UHRF2: variants seen among roughly 807,000 people sequenced by gnomAD.
UHRF2 encodes the protein E3 ubiquitin-protein ligase UHRF2.
In UHRF2, 23 loss-of-function variants were observed where a neutral mutation model predicts 96.8. That is an observed-to-expected ratio of 0.24 (90% CI 0.17 to 0.34). UHRF2 has a LOEUF of 0.34. UHRF2 is among the 10% of genes least tolerant of loss of function. UHRF2 has a pLI of 1.00. For synonymous variants in UHRF2, 385 were observed against 332.6 expected, an observed-to-expected ratio of 1.16 and a Z score of -1.72; for missense variants, 685 against 981.5, an observed-to-expected ratio of 0.70 and a Z score of 4.04.
chr9:6,413,433 C>G lies in UHRF2; in HGVS notation c.-58C>G, dbSNP rs1159515256. 9 of 1,319,284 alleles carry G rather than the reference C, an allele frequency of 6.8e-6. No individual in the cohort carries two copies. The highest frequency in any genetic ancestry group is 3.9e-6 in the Non-Finnish European group (4 of 1,022,142). 81.7% of individuals were successfully genotyped at this position (1,319,284 alleles called of 1,614,324 possible). ...GGAAAGCGGCGCGGGCCGGGCGGGG[C>G]GCGGCGCCCAGAGCTCAGGGGGAGA... is the stretch of plus-strand genomic sequence containing the variant. On this transcript the variant is annotated 5_prime_UTR_variant, in exon 1 of 16. Coordinates refer to ENST00000276893, the MANE Select transcript of UHRF2 (RefSeq NM_152896.3).
intron 2 of UHRF2, among the ~76,000 whole-genome samples, chr9:6,428,665 T>A (rs1404255166): frequency 1.4e-5 from 2 of 147,282 alleles, no homozygotes; most frequent in Non-Finnish European, 3.0e-5. Flanking sequence ...TCCTGCTGCC[T>A]CAGCTTCCTG....
chr9:6,451,807 CAG>C (rs1821887480), intron 3 of UHRF2, among the ~76,000 whole-genome samples: 1 of 47,364 alleles, frequency 2.1e-5, no homozygotes, highest in Admixed American at 2.1e-4. Context: ...GTTTTTGAGA[CAG>C]AGTCTCAGTC....
intron 3 of UHRF2, among the ~76,000 whole-genome samples, chr9:6,445,852 C>T (rs895445021): frequency 1.3e-5 from 2 of 152,116 alleles, no homozygotes; most frequent in South Asian, 2.1e-4. Flanking sequence ...GCATTAGCCA[C>T]TGGTCCTAGC....
chr9:6,469,742 A>G (rs977550689), intron 4 of UHRF2, among the ~76,000 whole-genome samples: 8 of 135,062 alleles, frequency 5.9e-5, no homozygotes, highest in African/African-American at 2.4e-4. Flanking sequence ...ACGTGTATAT[A>G]TATACACGTA....
At chr9:6,435,334 C>A (rs759661330) in intron 3 of UHRF2, among the ~76,000 whole-genome samples, 1 of 152,088 alleles carries the variant, frequency 6.6e-6, no homozygotes, top group Non-Finnish European at 1.5e-5. Flanking sequence ...CTATATTGTC[C>A]AGGCTGGTGT....
intron 8 of UHRF2, among the ~76,000 whole-genome samples, chr9:6,483,710 A>G (rs1326491099): frequency 6.6e-6 from 1 of 152,198 alleles, no homozygotes; most frequent in East Asian, 1.9e-4. Context: ...TTGTTTGGAG[A>G]CAGAGTTTCA....
chr9:6,416,862 A>G (rs1256244159), intron 1 of UHRF2, among the ~76,000 whole-genome samples: 1 of 152,096 alleles, frequency 6.6e-6, no homozygotes. Context: ...TTCCTATTTT[A>G]AAGGATTCTC....
intron 10 of UHRF2, 105 bp downstream of exon 10, chr9:6,494,037 T>TA: frequency 1.0e-6 from 1 of 962,580 alleles, no homozygotes; most frequent in Non-Finnish European, 1.5e-6. Flanking sequence ...AACTGGGAGT[T>TA]AAAGATCTGA....
chr9:6,477,558 T>C lies in UHRF2; in HGVS notation c.974-64T>C, dbSNP rs1490756492. 3.4e-5 allele frequency: 49 copies of C among 1,444,268 alleles called. No homozygotes were observed. In the South Asian group the frequency reaches 7.0e-4, roughly 21 times the overall value. 89.5% of individuals were successfully genotyped at this position (1,444,268 alleles called of 1,614,324 possible). On this transcript the variant is annotated intron_variant, in intron 5 of 15. Transcript: ENST00000276893. The stretch of plus-strand genomic sequence containing the variant: ...AATGCTGTTTCCATGGGCTTTTCTT[T>C]ATGAGATTCATAGATATAAAAAATG...
At chr9:6,467,106 A>G (rs1822912409) in intron 4 of UHRF2, among the ~76,000 whole-genome samples, 2 of 152,224 alleles carry the variant, frequency 1.3e-5, no homozygotes, top group South Asian at 4.1e-4. Flanking sequence ...TCTTAAATGG[A>G]TTTGAATTTC....
intron 3 of UHRF2, among the ~76,000 whole-genome samples, chr9:6,450,759 C>T (rs998110917): frequency 1.3e-5 from 2 of 152,130 alleles, no homozygotes; most frequent in African/African-American, 4.8e-5. Flanking sequence ...TTGGAAGATC[C>T]TTCAAGTTTA....
intron 9 of UHRF2, chr9:6,492,925 C>G (rs1199393925): frequency 1.4e-5 from 2 of 142,000 alleles, no homozygotes; most frequent in African/African-American, 5.3e-5. Flanking sequence ...TAATGGGAGG[C>G]TATTATTTTA....
chr9:6,482,405 C>T (rs773182731), intron 8 of UHRF2, among the ~76,000 whole-genome samples: 5 of 152,158 alleles, frequency 3.3e-5, no homozygotes, highest in Non-Finnish European at 7.3e-5. Flanking sequence ...AAATATTAAA[C>T]TTGAATCATG....
At position 6,506,778 on chromosome 9, in the gene UHRF2, C is replaced by T. The variant is rs1469851719; in HGVS notation, c.*599C>T. On this transcript the variant is annotated 3_prime_UTR_variant, in exon 16 of 16. Coordinates refer to ENST00000276893, the MANE Select transcript of UHRF2 (RefSeq NM_152896.3). ...GTTGACTACTAATGACTAATGAGAA[C>T]AATAATGAATGCATTGTTGCTGCAT... 1 of 152,632 alleles carries T rather than the reference C, an allele frequency of 6.6e-6. No homozygotes were observed. The highest frequency in any genetic ancestry group is 1.5e-5 in the Non-Finnish European group (1 of 68,076). 9.5% of individuals were successfully genotyped at this position (152,632 alleles called of 1,614,324 possible).
chr9:6,474,476 C>T (rs558895959), intron 4 of UHRF2, among the ~76,000 whole-genome samples: 35 of 152,152 alleles, frequency 2.3e-4, no homozygotes, highest in African/African-American at 4.6e-4. Flanking sequence ...GAGGCCGAGG[C>T]GGGCAGGTCA....
At chr9:6,461,681 T>A (rs1822553635) in intron 4 of UHRF2, among the ~76,000 whole-genome samples, 1 of 152,016 alleles carries the variant, frequency 6.6e-6, no homozygotes, top group East Asian at 1.9e-4. Context: ...TTTCTATCAT[T>A]AATTTTTTAA....
chr9:6,450,179 A>T (rs1470465497), intron 3 of UHRF2, among the ~76,000 whole-genome samples: 2 of 152,132 alleles, frequency 1.3e-5, no homozygotes, highest in African/African-American at 2.4e-5. Context: ...CAAATAACCA[A>T]TCAATGTTCA....
At chr9:6,417,217 T>G (rs1819657577) in intron 1 of UHRF2, among the ~76,000 whole-genome samples, 1 of 152,188 alleles carries the variant, frequency 6.6e-6, no homozygotes, top group Admixed American at 6.5e-5. Flanking sequence ...ATTGTTGCAG[T>G]TCCTCTTGTT....
chr9:6,482,216 A>G, intron 8 of UHRF2, 117 bp downstream of exon 8: 1 of 877,314 alleles, frequency 1.1e-6, no homozygotes, highest in South Asian at 1.6e-5. Context: ...TTAGAATGAA[A>G]TATATTTTTT....
Sources: gnomAD v4.1 joint callset for allele counts (sites outside exome capture counted in the v4.1 genomes callset) on GRCh38, gnomAD v4.1.1 for gene constraint, MANE v1.5 for transcripts, NCBI Gene and HGNC (gene_info 2026-07-23, HGNC 2026-07-21) for gene names.